MYO9A: variants seen among roughly 807,000 people sequenced by gnomAD.
The protein encoded by MYO9A is unconventional myosin-IXa.
A neutral mutation model predicts 293.3 loss-of-function variants in MYO9A; 103 were observed. The ratio of observed to expected loss-of-function variants is 0.35; its 90% CI spans 0.30 to 0.41. The LOEUF is 0.41. Ranked by LOEUF, MYO9A falls within the 10% of genes least tolerant of loss-of-function variation. MYO9A has a pLI of 1.00. For missense variants in MYO9A, 2,685 were observed against 3,033.0 expected (o/e 0.89, Z 2.69); for synonymous variants, 1,001 against 1,035.7 (o/e 0.97, Z 0.64).
At chr15:72,049,773 T>C (rs1021133160) in intron 1 of MYO9A, among the ~76,000 whole-genome samples, 1 of 152,254 alleles carries the variant, frequency 6.6e-6, no homozygotes, top group Admixed American at 6.5e-5. Flanking sequence ...TAATACCTGA[T>C]GATCTGAGGC....
At chr15:72,090,321 G>C (rs1198272391) in intron 1 of MYO9A, among the ~76,000 whole-genome samples, 1 of 151,994 alleles carries the variant, frequency 6.6e-6, no homozygotes, top group Non-Finnish European at 1.5e-5. Context: ...AATATACCAT[G>C]CATTTCTTAA....
At position 71,827,866 on chromosome 15, in the gene MYO9A, T is replaced by C. The variant is rs2054572631; in HGVS notation, c.7183+18A>G. 1.2e-6 allele frequency: 2 copies of C among 1,603,256 alleles called. No homozygotes were observed. Among genetic ancestry groups the C allele is most frequent in the South Asian group, 2.3e-5 (2 of 88,592 alleles). ...TGCAAAACAAATCTGGAGTCTTTGGTCTACCATGTTCACTTACCTGATTTC... is the reference window on the plus strand; with the variant it reads ...TGCAAAACAAATCTGGAGTCTTTGGCCTACCATGTTCACTTACCTGATTTC... On this transcript the variant is annotated intron_variant, in intron 41 of 41. Coordinates refer to ENST00000356056, the MANE Select transcript of MYO9A (RefSeq NM_006901.4).
At chr15:72,052,439 C>G (rs1345680904) in intron 1 of MYO9A, among the ~76,000 whole-genome samples, 1 of 152,200 alleles carries the variant, frequency 6.6e-6, no homozygotes, top group Non-Finnish European at 1.5e-5. Flanking sequence ...GGGTACAGAA[C>G]AAGAACTCAG....
chr15:71,903,475 G>A (rs1339244357), intron 21 of MYO9A, among the ~76,000 whole-genome samples: 1 of 152,198 alleles, frequency 6.6e-6, no homozygotes, highest in African/African-American at 2.4e-5. Context: ...TTGCTGAACA[G>A]CTTCAATATA....
In MYO9A at chr15:72,046,241, C is replaced by T; in HGVS notation, c.323G>A (p.Arg108Lys). 2 of 1,613,816 alleles carry T rather than the reference C, an allele frequency of 1.2e-6. No individual in the cohort carries two copies. The highest frequency in any genetic ancestry group is 1.7e-6 in the Non-Finnish European group (2 of 1,179,784). ...GATTGATCCATCAAGGTTTTTCTCT[C>T]TCAGAAGGAAGCGGTAGTCCTCTCC... ...LSGEDYRFLLREKNLDGSIHY... is the reference protein window; with the variant it reads ...LSGEDYRFLLKEKNLDGSIHY... The change falls in exon 2 of 42, where the codon AGA (arginine) becomes AAA (lysine). Residue 108 changes from arginine (R) to lysine (K), a missense_variant. By Grantham distance (26) the Arg-to-Lys change is conservative (BLOSUM62 2). Coordinates refer to ENST00000356056, the MANE Select transcript of MYO9A (RefSeq NM_006901.4).
At chr15:71,927,968 T>C (rs1285583428) in intron 18 of MYO9A, among the ~76,000 whole-genome samples, 2 of 136,162 alleles carry the variant, frequency 1.5e-5, no homozygotes, top group Non-Finnish European at 3.2e-5. Flanking sequence ...TACTTTTCCA[T>C]TGGTTAATGT....
intron 15 of MYO9A, among the ~76,000 whole-genome samples, chr15:71,939,795 A>C (rs2146067164): frequency 6.6e-6 from 1 of 152,376 alleles, no homozygotes; most frequent in South Asian, 2.1e-4. Context: ...AACATGTAAT[A>C]TATGTAAGAT....
intron 1 of MYO9A, among the ~76,000 whole-genome samples, chr15:72,056,465 T>G (rs2078721264): frequency 6.6e-6 from 1 of 152,216 alleles, no homozygotes; most frequent in African/African-American, 2.4e-5. Flanking sequence ...TGGAGACCAT[T>G]AATCTAAGTG....
At chr15:72,100,334 G>A (rs1046331856) in intron 1 of MYO9A, among the ~76,000 whole-genome samples, 4 of 152,226 alleles carry the variant, frequency 2.6e-5, no homozygotes, top group African/African-American at 9.6e-5. Context: ...TCAGTGCTCG[G>A]TGGTGCCCAG....
At chr15:71,842,238 G>A (rs1445775467) in intron 39 of MYO9A, among the ~76,000 whole-genome samples, 3 of 150,588 alleles carry the variant, frequency 2.0e-5, no homozygotes, top group Non-Finnish European at 2.9e-5. Flanking sequence ...TTAACCAGGC[G>A]TGGTAGTGCA....
intron 33 of MYO9A, among the ~76,000 whole-genome samples, chr15:71,861,925 G>A (rs773459174): frequency 6.6e-6 from 1 of 152,208 alleles, no homozygotes; most frequent in African/African-American, 2.4e-5. Context: ...GAGGTCAGGA[G>A]TTCAAGACCA....
In MYO9A at chr15:71,960,104, A is replaced by G; in HGVS notation, c.1987-8T>C. On this transcript the variant is annotated splice_region_variant and splice_polypyrimidine_tract_variant and intron_variant, in intron 13 of 41. Coordinates refer to ENST00000356056, the MANE Select transcript of MYO9A (RefSeq NM_006901.4). ...ATTTTTTTCCCGGAAATCCTATATG[A>G]AAAAAGTACCAGTGTTACTTATGGG... The G allele has an allele frequency of 6.2e-7, 1 of 1,613,184 alleles. No homozygotes were observed. The highest frequency in any genetic ancestry group is 8.5e-7 in the Non-Finnish European group (1 of 1,179,488).
chr15:71,844,011 T>C (rs998446687), intron 39 of MYO9A, among the ~76,000 whole-genome samples: 1 of 152,242 alleles, frequency 6.6e-6, no homozygotes, highest in Non-Finnish European at 1.5e-5. Context: ...TGGTTTTAAC[T>C]TAAGGTTTCC....
rs766416308 is a variant in MYO9A at position 71,935,479 on chromosome 15, G to A, written c.2384C>T (p.Thr795Ile). 5.0e-6 allele frequency: 8 copies of A among 1,612,700 alleles called. No individual in the cohort carries two copies. The highest frequency in any genetic ancestry group is 2.2e-5 in the East Asian group (1 of 44,858). The change falls in exon 17 of 42, where the codon ACA (threonine) becomes ATA (isoleucine). Residue 795 changes from threonine to isoleucine, a missense_variant. Thr to Ile is a moderately conservative substitution (Grantham distance 89). Transcript: ENST00000356056. ...TCTGCCATTCCAGGCAATATCAAAT[G>A]TATCACTGTAAAAAATATAATTTGC... ...NALNEKNQHD[T>I]FDIAWNGRTG...
chr15:72,099,059 G>A (rs552591084), intron 1 of MYO9A, among the ~76,000 whole-genome samples: 13 of 152,218 alleles, frequency 8.5e-5, no homozygotes, highest in Non-Finnish European at 1.3e-4. Context: ...ACTGGGAAGC[G>A]GAGGCAGAAA....
chr15:72,027,219 G>A (rs142947706), intron 4 of MYO9A, among the ~76,000 whole-genome samples: 30 of 152,276 alleles, frequency 2.0e-4, no homozygotes, highest in African/African-American at 7.0e-4. Context: ...AAAGTTAAAT[G>A]AGATGCCCAA....
rs145477307 is a variant in MYO9A at position 71,995,659 on chromosome 15, T to A, written c.1471-1074A>T. 1.9e-3 allele frequency among the ~76,000 whole-genome samples: 292 copies of A among 152,226 alleles called. 1 individual carries two copies. Among genetic ancestry groups the A allele is most frequent in the African/African-American group, 6.9e-3 (288 of 41,558 alleles). On this transcript the variant is annotated intron_variant, in intron 9 of 41. Transcript: ENST00000356056. Reference sequence around the variant, plus strand: ...ATCCTAGTAATTTACATATTTATTATCTAGGGGCTTATTCTGAAGCTTGTA... The same window carrying A: ...ATCCTAGTAATTTACATATTTATTAACTAGGGGCTTATTCTGAAGCTTGTA...
At chr15:71,929,316 C>T (rs1239899347) in intron 18 of MYO9A, among the ~76,000 whole-genome samples, 1 of 152,112 alleles carries the variant, frequency 6.6e-6, no homozygotes, top group Non-Finnish European at 1.5e-5. Context: ...TCCAGTAATA[C>T]ACTGAATTGA....
At chr15:71,877,310 A>G (rs2056724825) in intron 31 of MYO9A, among the ~76,000 whole-genome samples, 1 of 152,170 alleles carries the variant, frequency 6.6e-6, no homozygotes, top group Non-Finnish European at 1.5e-5. Context: ...TAAAAAGGTT[A>G]TTATTATTAT....
Sources: gnomAD v4.1 joint callset for allele counts (sites outside exome capture counted in the v4.1 genomes callset) on GRCh38, gnomAD v4.1.1 for gene constraint, MANE v1.5 for transcripts, NCBI Gene and HGNC (gene_info 2026-07-23, HGNC 2026-07-21) for gene names.